The following MMP2 variants were observed in gnomAD, a reference collection of about 807,000 sequenced individuals.
MMP2 encodes matrix metallopeptidase 2, also known as 72 kDa type IV collagenase.
A neutral mutation model predicts 74.8 loss-of-function variants in MMP2; 39 were observed. The observed-to-expected ratio is 0.52, with a 90% CI of 0.40 to 0.68. The LOEUF is 0.68. Ranked by LOEUF, MMP2 falls within the 30% of genes least tolerant of loss-of-function variation. MMP2 has a pLI of 0.00. For synonymous variants in MMP2, 367 were observed against 339.8 expected (o/e 1.08, Z -0.88); for missense variants, 803 against 878.3 (o/e 0.91, Z 1.08).
intron 5 of MMP2, chr16:55,488,167 G>T (rs1202144125): frequency 3.9e-6 from 1 of 256,456 alleles, no homozygotes; most frequent in Non-Finnish European, 7.6e-6. Flanking sequence ...GGTCCTGCCT[G>T]CCATGACTGA....
rs767862419 is a variant in MMP2, at chr16:55,505,415, C to T, written c.1956C>T (p.Ser652=). Residue 652 remains serine, a synonymous_variant, in exon 13 of 13, where the codon AGC becomes AGT. Transcript: ENST00000219070. The stretch of plus-strand genomic sequence containing the variant: ...GTCTGAAGAGCGTGAAGTTTGGAAG[C>T]ATCAAATCCGACTGGCTAGGCTGCT... ...NQSLKSVKFG[S]IKSDWLGC 7 of 1,614,054 alleles carry T rather than the reference C, an allele frequency of 4.3e-6. No individual in the cohort carries two copies. The highest frequency in any genetic ancestry group is 2.2e-5 in the South Asian group (2 of 91,072).
At chr16:55,502,987 C>T in intron 12 of MMP2, 99 bp downstream of exon 12, 1 of 982,852 alleles carries the variant, frequency 1.0e-6, no homozygotes, top group East Asian at 2.6e-5. Flanking sequence ...GCAGGGCAGG[C>T]AGGCAGGCGG....
At chr16:55,489,553 C>G in intron 6 of MMP2, 98 bp from the exon 7 acceptor site, 1 of 1,442,862 alleles carries the variant, frequency 6.9e-7, no homozygotes, top group Admixed American at 1.7e-5. Context: ...CTGAGTCTAA[C>G]TTAGGTGTGG....
At chr16:55,499,859 C>A (rs1296925418) in intron 11 of MMP2, among the ~76,000 whole-genome samples, 1 of 151,740 alleles carries the variant, frequency 6.6e-6, no homozygotes, top group Non-Finnish European at 1.5e-5. Flanking sequence ...CTTTCCATCC[C>A]CTCCCTCCTG....
intron 7 of MMP2, among the ~76,000 whole-genome samples, chr16:55,491,313 C>T (rs373011000): frequency 6.6e-6 from 1 of 152,096 alleles, no homozygotes; most frequent in Non-Finnish European, 1.5e-5. Flanking sequence ...CCTGTGCAAC[C>T]ACGCTAAGTG....
chr16:55,489,751 T>C lies in MMP2; in HGVS notation c.1107T>C (p.Ser369=). ...KYESCTSAGR[S]DGKMWCATTA... is the part of the protein sequence containing the mutation. ...AGAGCTGCACCAGCGCCGGCCGCAG[T>C]GACGGAAAGATGTGGTGTGCGACCA... is the stretch of plus-strand genomic sequence containing the variant. Residue 369 remains serine, a synonymous_variant, in exon 7 of 13, where the codon AGT becomes AGC. Coordinates refer to ENST00000219070, the MANE Select transcript of MMP2 (RefSeq NM_004530.6). The C allele has an allele frequency of 6.2e-7, 1 of 1,614,182 alleles. No homozygotes were observed. The highest frequency in any genetic ancestry group is 8.5e-7 in the Non-Finnish European group (1 of 1,180,030).
At chr16:55,486,017 T>C (rs1406105978) in intron 5 of MMP2, among the ~76,000 whole-genome samples, 1 of 152,202 alleles carries the variant, frequency 6.6e-6, no homozygotes, top group African/African-American at 2.4e-5. Context: ...TTTTTTAAGT[T>C]TCACCATTAG....
chr16:55,482,965 G>A lies in MMP2; in HGVS notation c.210G>A (p.Leu70=). 6.2e-7 allele frequency: 1 copy of A among 1,614,220 alleles called. No individual in the cohort carries two copies. Among genetic ancestry groups the A allele is most frequent in the Non-Finnish European group, 8.5e-7 (1 of 1,180,032 alleles). ...AGGAGAGCTGCAACCTGTTTGTGCTGAAGGACACACTAAAGAAGATGCAGA... is the reference window on the plus strand; with the variant it reads ...AGGAGAGCTGCAACCTGTTTGTGCTAAAGGACACACTAAAGAAGATGCAGA... The part of the protein sequence containing the change: ...CPKESCNLFV[L]KDTLKKMQKF... Residue 70 remains leucine (L), a synonymous_variant, in exon 2 of 13, where the codon CTG becomes CTA. Transcript: ENST00000219070.
At chr16:55,499,981 TC>T (rs1325787551) in intron 11 of MMP2, among the ~76,000 whole-genome samples, 29 of 151,984 alleles carry the variant, frequency 1.9e-4, no homozygotes, top group African/African-American at 7.0e-4. Context: ...CCCGCTTACT[TC>T]CTAAGGCCTC....
At chr16:55,495,087 A>G (rs961279585) in intron 9 of MMP2, among the ~76,000 whole-genome samples, 20 of 152,200 alleles carry the variant, frequency 1.3e-4, no homozygotes, top group African/African-American at 4.3e-4. Flanking sequence ...CTGCTGGCCA[A>G]TGGGGAAATG....
intron 6 of MMP2, 65 bp downstream of exon 6, chr16:55,488,781 A>T: frequency 6.6e-7 from 1 of 1,509,728 alleles, no homozygotes; most frequent in Non-Finnish European, 8.9e-7. Context: ...AAAAAAACCC[A>T]TAAGACTCCG....
In MMP2 at chr16:55,479,596, C is replaced by A. The variant is rs139082366; in HGVS notation, c.117C>A (p.Gly39=). The A allele has an allele frequency of 6.2e-7, 1 of 1,613,774 alleles. No homozygotes were observed. Among genetic ancestry groups the A allele is most frequent in the Non-Finnish European group, 8.5e-7 (1 of 1,180,002 alleles). The part of the protein sequence containing the change: ...AAPSPIIKFP[G]DVAPKTDKEL... ...CGTCGCCCATCATCAAGTTCCCCGG[C>A]GATGTCGCCCCCAAAACGGACAAAG... The change falls in exon 1 of 13, where the codon GGC becomes GGA. Residue 39 remains glycine, a synonymous_variant. Transcript: ENST00000219070.
intron 11 of MMP2, 65 bp downstream of exon 11, chr16:55,498,513 A>C: frequency 6.2e-7 from 1 of 1,605,552 alleles, no homozygotes; most frequent in Non-Finnish European, 8.5e-7. Flanking sequence ...AGCCGCCCTG[A>C]GGCTTCAAGC....
At chr16:55,484,307 A>C in intron 3 of MMP2, 143 bp downstream of exon 3, 2 of 952,482 alleles carry the variant, frequency 2.1e-6, no homozygotes, top group East Asian at 2.7e-5. Flanking sequence ...GGTGGTTTAG[A>C]TGGGGGCAGC....
At position 55,479,453 on chromosome 16, in the gene MMP2, C is replaced by A. The variant is rs1262580013; in HGVS notation, c.-27C>A. Reference sequence around the variant, plus strand: ...ACGCACCGAGCCAGCGACCCCCGGGCGACGCGCGGGGCCAGGGAGCGCTAC... The same window carrying A: ...ACGCACCGAGCCAGCGACCCCCGGGAGACGCGCGGGGCCAGGGAGCGCTAC... On this transcript the variant is annotated 5_prime_UTR_variant, in exon 1 of 13. Transcript: ENST00000219070. The A allele has an allele frequency of 1.4e-6, 2 of 1,474,860 alleles. No homozygotes were observed. The highest frequency in any genetic ancestry group is 2.9e-5 in the African/African-American group (2 of 68,126). The allele number at this position is 1,474,860 out of a possible 1,614,324, so 91.4% of individuals were successfully genotyped here. A position where few individuals can be genotyped will look rare whatever the true frequency, so the allele number is the denominator to read the frequency against.
intron 5 of MMP2, chr16:55,486,868 C>T (rs2142351267): frequency 6.6e-6 from 1 of 152,312 alleles, no homozygotes; most frequent in East Asian, 1.9e-4. Flanking sequence ...CCTAACCCCA[C>T]TGTAACTGAA....
chr16:55,479,707 C>G, intron 1 of MMP2, 75 bp downstream of exon 1: 1 of 1,593,074 alleles, frequency 6.3e-7, no homozygotes, highest in South Asian at 1.1e-5. Flanking sequence ...TGTCTCTCCC[C>G]CTGCCCTCGG....
At chr16:55,504,080 C>T (rs1157633081) in intron 12 of MMP2, among the ~76,000 whole-genome samples, 1 of 152,120 alleles carries the variant, frequency 6.6e-6, no homozygotes, top group Non-Finnish European at 1.5e-5. Context: ...ATCGCTTGAG[C>T]CCAGGAGTTT....
chr16:55,487,049 T>C (rs1962277238), intron 5 of MMP2: 1 of 152,246 alleles, frequency 6.6e-6, no homozygotes, highest in Non-Finnish European at 1.5e-5. Context: ...TATCTTGCGT[T>C]TCCCGGTAGG....
Sources: gnomAD v4.1 joint callset for allele counts (sites outside exome capture counted in the v4.1 genomes callset) on GRCh38, gnomAD v4.1.1 for gene constraint, MANE v1.5 for transcripts, NCBI Gene and HGNC (gene_info 2026-07-23, HGNC 2026-07-21) for gene names.